PDE12: variants seen among roughly 807,000 people sequenced by gnomAD.
PDE12 encodes phosphodiesterase 12.
PDE12 carries 26 observed loss-of-function variants against 45.4 expected under a neutral mutation model. The observed-to-expected ratio is 0.57, with a 90% CI of 0.42 to 0.79. The LOEUF is 0.79. Among genes scored for constraint, PDE12 ranks in the 30% least tolerant of loss-of-function variants. The pLI, the probability that PDE12 is intolerant of heterozygous loss-of-function variation, is 0.00. For synonymous variants in PDE12, 283 were observed against 323.9 expected, an observed-to-expected ratio of 0.87 and a Z score of 1.36; for missense variants, 668 against 790.0, an observed-to-expected ratio of 0.85 and a Z score of 1.85.
chr3:57,580,936 C>G, the PDE12 span, among the ~76,000 whole-genome samples: 1 of 152,068 alleles, frequency 6.6e-6, no homozygotes, highest in Non-Finnish European at 1.5e-5. Flanking sequence ...GCAAATAATG[C>G]TATCAGTCCC....
chr3:57,652,953 A>G, the PDE12 span, among the ~76,000 whole-genome samples: 1 of 152,242 alleles, frequency 6.6e-6, no homozygotes, highest in Non-Finnish European at 1.5e-5. Flanking sequence ...ACATTATTGT[A>G]ACAACTGGTA....
the PDE12 span, among the ~76,000 whole-genome samples, chr3:57,611,909 C>T: frequency 6.6e-6 from 1 of 152,136 alleles, no homozygotes; most frequent in South Asian, 2.1e-4. Context: ...GATTATAAAT[C>T]ATGCTGCTAT....
chr3:57,609,380 AAGATC>A, the PDE12 span, among the ~76,000 whole-genome samples: 2 of 152,210 alleles, frequency 1.3e-5, no homozygotes, highest in Admixed American at 6.5e-5. Context: ...AGAAATAACT[AAGATC>A]AGAGCAGAAC....
intron 1 of PDE12, among the ~76,000 whole-genome samples, chr3:57,558,448 G>A (rs984604225): frequency 3.9e-5 from 6 of 152,112 alleles, no homozygotes; most frequent in African/African-American, 1.2e-4. Flanking sequence ...GTGTTGTCAT[G>A]TAAAATGTAT....
At chr3:57,558,668 A>G (rs1457926295) in intron 1 of PDE12, among the ~76,000 whole-genome samples, 3 of 150,402 alleles carry the variant, frequency 2.0e-5, no homozygotes, top group Non-Finnish European at 4.4e-5. Flanking sequence ...TTTTTTTAGT[A>G]GAGACGGGGT....
In PDE12 at chr3:57,556,456, C is replaced by T. The variant is rs746171324; in HGVS notation, c.77C>T (p.Ala26Val). Residue 26 changes from alanine to valine, a missense_variant, in exon 1 of 3, where the codon GCG (alanine) becomes GTG (valine). Coordinates refer to ENST00000311180, the MANE Select transcript of PDE12 (RefSeq NM_177966.7). This position sits in a 1 kb window ranked among gnomAD's most constrained non-coding sequence, Gnocchi z 5.0. ...GTGGAGAAGCTGAGCCGGGCTGAAG[C>T]GGGGAGCCAGACAGCGGCGGGAGCG... ...TAVEKLSRAE[A>V]GSQTAAGAME... 1.2e-6 allele frequency: 2 copies of T among 1,612,948 alleles called. No homozygotes were observed. Among genetic ancestry groups the T allele is most frequent in the Non-Finnish European group, 1.7e-6 (2 of 1,179,772 alleles).
the PDE12 span, among the ~76,000 whole-genome samples, chr3:57,579,328 C>T: frequency 1.4e-5 from 2 of 144,112 alleles, no homozygotes; most frequent in Non-Finnish European, 1.5e-5. Flanking sequence ...TTTTTTTTCA[C>T]CCAGGCTGGA....
chr3:57,595,249 C>G, the PDE12 span, among the ~76,000 whole-genome samples: 265 of 152,260 alleles, frequency 1.7e-3, 1 homozygote, highest in African/African-American at 6.1e-3. Context: ...TGAAAAATAG[C>G]AATTCATTTA....
At chr3:57,589,282 A>C in the PDE12 span, among the ~76,000 whole-genome samples, 1 of 151,558 alleles carries the variant, frequency 6.6e-6, no homozygotes, top group Admixed American at 6.6e-5. Context: ...ACAAACAAAA[A>C]TTAGGCAGGG....
the PDE12 span, among the ~76,000 whole-genome samples, chr3:57,592,816 T>C: frequency 6.6e-6 from 1 of 152,134 alleles, no homozygotes; most frequent in Non-Finnish European, 1.5e-5. Context: ...ACCAATAACC[T>C]GAGAAAATGC....
the PDE12 span, among the ~76,000 whole-genome samples, chr3:57,591,892 G>T: frequency 6.6e-6 from 1 of 152,156 alleles, no homozygotes; most frequent in African/African-American, 2.4e-5. Context: ...CAGATTACGG[G>T]CTGGGAAGAA....
At chr3:57,605,810 T>G in the PDE12 span, among the ~76,000 whole-genome samples, 24 of 152,252 alleles carry the variant, frequency 1.6e-4, no homozygotes, top group African/African-American at 5.8e-4. Context: ...AAGATATTTT[T>G]AAAAGACTTG....
At position 57,561,248 on chromosome 3, in the gene PDE12, T is replaced by A. The variant is rs2069724798; in HGVS notation, c.*1244T>A. ...GAGAAACTACCTACTGATATGGGCT[T>A]GAAATTTTGGATGAATCATTGAGCA... On this transcript the variant is annotated 3_prime_UTR_variant, in exon 3 of 3. Coordinates refer to ENST00000311180, the MANE Select transcript of PDE12 (RefSeq NM_177966.7). 1.0e-6 allele frequency: 1 copy of A among 985,476 alleles called. No homozygotes were observed. Among genetic ancestry groups the A allele is most frequent in the African/African-American group, 1.7e-5 (1 of 57,244 alleles). 61.0% of individuals were successfully genotyped at this position (985,476 alleles called of 1,614,324 possible). A position where few individuals can be genotyped will look rare whatever the true frequency, so the allele number is the denominator to read the frequency against.
At chr3:57,654,104 C>T in the PDE12 span, among the ~76,000 whole-genome samples, 13 of 150,562 alleles carry the variant, frequency 8.6e-5, no homozygotes, top group South Asian at 4.2e-4. Flanking sequence ...CCCGCCACCA[C>T]GCCCGGCTAA....
At chr3:57,592,276 G>A in the PDE12 span, among the ~76,000 whole-genome samples, 4 of 152,062 alleles carry the variant, frequency 2.6e-5, no homozygotes, top group Admixed American at 1.3e-4. Context: ...ATCACCTGAG[G>A]TCAGGAGTTT....
the PDE12 span, among the ~76,000 whole-genome samples, chr3:57,613,463 T>G: frequency 6.6e-6 from 1 of 151,626 alleles, no homozygotes; most frequent in South Asian, 2.1e-4. Flanking sequence ...CTGGGTAATT[T>G]TTGTATTTTT....
chr3:57,590,661 A>AGT, the PDE12 span, among the ~76,000 whole-genome samples: 7 of 151,804 alleles, frequency 4.6e-5, no homozygotes, highest in Non-Finnish European at 7.4e-5. Flanking sequence ...CATAATTATA[A>AGT]GTGTGTGTGT....
the PDE12 span, among the ~76,000 whole-genome samples, chr3:57,583,440 TA>T: frequency 6.6e-6 from 1 of 152,182 alleles, no homozygotes; most frequent in East Asian, 1.9e-4. Context: ...GTATTATATA[TA>T]CATACTATGT....
chr3:57,628,092 A>C, the PDE12 span: 1 of 1,404,404 alleles, frequency 7.1e-7, no homozygotes, highest in Admixed American at 2.2e-5. Context: ...CTACCCTGTA[A>C]CTAGCATTCA....
Sources: allele counts gnomAD v4.1 joint callset (sites outside exome capture counted in the v4.1 genomes callset), GRCh38; gene constraint gnomAD v4.1.1; non-coding constraint Gnocchi (gnomAD v3.1); transcripts MANE v1.5; gene names NCBI Gene and HGNC (gene_info 2026-07-23, HGNC 2026-07-21).